PDE7B: variants seen among roughly 807,000 people sequenced by gnomAD.
PDE7B encodes 3',5'-cyclic-AMP phosphodiesterase 7B.
PDE7B carries 29 observed loss-of-function variants against 56.2 expected under a neutral mutation model. The ratio of observed to expected loss-of-function variants is 0.52; its 90% CI spans 0.38 to 0.70. The LOEUF (loss-of-function observed/expected upper bound fraction) is 0.70. Ranked by LOEUF, PDE7B falls within the 30% of genes least tolerant of loss-of-function variation. PDE7B has a pLI of 0.00. For missense variants in PDE7B, 490 were observed against 565.0 expected (o/e 0.87, Z 1.35); for synonymous variants, 197 against 196.9 (o/e 1.00, Z 0.00).
chr6:136,170,215 T>C (rs1296042512), intron 8 of PDE7B, among the ~76,000 whole-genome samples: 1 of 152,192 alleles, frequency 6.6e-6, no homozygotes, highest in East Asian at 1.9e-4. Flanking sequence ...GGATGGTTTT[T>C]AGCCGCACTT....
chr6:135,933,093 T>C (rs1351996507), intron 1 of PDE7B, among the ~76,000 whole-genome samples: 1 of 152,160 alleles, frequency 6.6e-6, no homozygotes, highest in Non-Finnish European at 1.5e-5. Context: ...TAAGGTCATT[T>C]CCAAGGTCAA....
intron 2 of PDE7B, among the ~76,000 whole-genome samples, chr6:135,988,602 G>A (rs1246565684): frequency 6.6e-6 from 1 of 152,148 alleles, no homozygotes; most frequent in Non-Finnish European, 1.5e-5. Context: ...TGAATGAAGG[G>A]TAAGAAGGGA....
chr6:135,861,729 C>A (rs1775150970), intron 1 of PDE7B, among the ~76,000 whole-genome samples: 1 of 151,696 alleles, frequency 6.6e-6, no homozygotes, highest in Non-Finnish European at 1.5e-5. Context: ...AGACTGGCAT[C>A]TTTTCTGAGT....
intron 2 of PDE7B, among the ~76,000 whole-genome samples, chr6:136,103,842 C>G (rs976028647): frequency 2.0e-5 from 3 of 152,186 alleles, no homozygotes; most frequent in Admixed American, 6.5e-5. Context: ...CCTGAAATGA[C>G]CTTGACATAC....
intron 5 of PDE7B, among the ~76,000 whole-genome samples, chr6:136,150,481 T>C (rs1451825494): frequency 6.6e-6 from 1 of 152,220 alleles, no homozygotes; most frequent in East Asian, 1.9e-4. Context: ...TTCCCCAATG[T>C]GTTTTTGGTG....
intron 1 of PDE7B, among the ~76,000 whole-genome samples, chr6:135,905,310 A>G (rs1562433344): frequency 1.3e-5 from 2 of 150,920 alleles, no homozygotes; most frequent in East Asian, 2.0e-4. Context: ...GTAATTCTCA[A>G]TGTGTTATGA....
At chr6:135,867,274 A>G (rs78146676) in intron 1 of PDE7B, among the ~76,000 whole-genome samples, 3,062 of 152,296 alleles carry the variant, frequency 0.02, 30 homozygotes, top group African/African-American at 0.034. Flanking sequence ...TTGTAATATT[A>G]TGCAGTATTT....
At chr6:135,882,148 A>G (rs889647527) in intron 1 of PDE7B, among the ~76,000 whole-genome samples, 8 of 152,224 alleles carry the variant, frequency 5.3e-5, no homozygotes, top group Admixed American at 6.5e-5. Flanking sequence ...TAAGGGAATT[A>G]CTCAAAGCCT....
At chr6:135,968,327 A>G (rs943933332) in intron 2 of PDE7B, among the ~76,000 whole-genome samples, 1 of 151,710 alleles carries the variant, frequency 6.6e-6, no homozygotes, top group African/African-American at 2.4e-5. Flanking sequence ...TAAATGAAAG[A>G]GCTTCTCCAC....
chr6:136,048,245 T>G (rs186964378), intron 2 of PDE7B, among the ~76,000 whole-genome samples: 2 of 152,114 alleles, frequency 1.3e-5, no homozygotes, highest in African/African-American at 2.4e-5. Flanking sequence ...GATGATGGGC[T>G]GGGCGCGGTG....
rs1438022636 is a variant in PDE7B at position 136,181,288 on chromosome 6, GGAGT to G, written c.1013_1016del (p.Ser338LysfsTer40). On this transcript the variant is annotated frameshift_variant, in exon 11 of 13. Transcript: ENST00000308191. LOFTEE classifies it high-confidence loss of function. Reference sequence around the variant, plus strand: ...AGAATCTGGGAGATGAGCAAGCAGTGGAGTGAAAGGGTCTGTGAAGAATTCTACA... The same window carrying G: ...AGAATCTGGGAGATGAGCAAGCAGTGGAAAGGGTCTGTGAAGAATTCTACA... 6.2e-7 allele frequency: 1 copy of G among 1,613,124 alleles called. No individual in the cohort carries two copies. Among genetic ancestry groups the G allele is most frequent in the East Asian group, 2.2e-5 (1 of 44,874 alleles).
chr6:136,057,759 C>T (rs910938455), intron 2 of PDE7B, among the ~76,000 whole-genome samples: 5 of 152,094 alleles, frequency 3.3e-5, no homozygotes, highest in East Asian at 1.9e-4. Context: ...TTGTTTGAGA[C>T]GGAGTCTTGT....
chr6:136,055,823 G>T (rs1393863311), intron 2 of PDE7B, among the ~76,000 whole-genome samples: 3 of 152,164 alleles, frequency 2.0e-5, no homozygotes, highest in African/African-American at 7.2e-5. Context: ...AGGGGGCGGG[G>T]TCTAAAGGAA....
At chr6:136,032,449 CT>C (rs1290987850) in intron 2 of PDE7B, among the ~76,000 whole-genome samples, 1 of 152,194 alleles carries the variant, frequency 6.6e-6, no homozygotes, top group Non-Finnish European at 1.5e-5. Context: ...GAATATTTAT[CT>C]TATGAGCCAC....
chr6:135,897,677 G>A (rs1159492501), intron 1 of PDE7B, among the ~76,000 whole-genome samples: 2 of 152,166 alleles, frequency 1.3e-5, no homozygotes, highest in Admixed American at 6.5e-5. Flanking sequence ...GGTATTAATA[G>A]GCATTTGAAA....
intron 2 of PDE7B, among the ~76,000 whole-genome samples, chr6:136,090,967 C>T (rs1777375509): frequency 6.6e-6 from 1 of 152,176 alleles, no homozygotes; most frequent in African/African-American, 2.4e-5. Flanking sequence ...TAATCCATTC[C>T]CCTAGCCAAA....
chr6:136,076,914 GT>G (rs1478088985), intron 2 of PDE7B, among the ~76,000 whole-genome samples: 1 of 152,176 alleles, frequency 6.6e-6, no homozygotes, highest in South Asian at 2.1e-4. Flanking sequence ...AAAAACTAAG[GT>G]TATTGACATT....
chr6:135,960,826 G>C lies in PDE7B; in HGVS notation c.82+13302G>C, dbSNP rs528132838. ...AAATTTATATAGATGAAATTAAAGA[G>C]TATATTCTTTGTCCAGTCTGCCTTC... On this transcript the variant is annotated intron_variant, in intron 2 of 12. Transcript: ENST00000308191. Among the ~76,000 whole-genome samples, 40 of 152,284 alleles carry C rather than the reference G, an allele frequency of 2.6e-4. 1 individual carries two copies. The highest frequency in any genetic ancestry group is 9.6e-4 in the African/African-American group (40 of 41,554).
At chr6:136,105,694 G>A (rs535529463) in intron 2 of PDE7B, among the ~76,000 whole-genome samples, 1 of 152,302 alleles carries the variant, frequency 6.6e-6, no homozygotes, top group African/African-American at 2.4e-5. Context: ...ACTTCAGAGT[G>A]ATTACTGATT....
Sources: allele counts gnomAD v4.1 joint callset (sites outside exome capture counted in the v4.1 genomes callset), GRCh38; gene constraint gnomAD v4.1.1; transcripts MANE v1.5; gene names NCBI Gene and HGNC (gene_info 2026-07-23, HGNC 2026-07-21).